MCC: variants seen among roughly 807,000 people sequenced by gnomAD.
MCC encodes colorectal mutant cancer protein.
MCC carries 90 observed loss-of-function variants against 116.2 expected under a neutral mutation model. The observed-to-expected ratio is 0.77, with a 90% CI of 0.65 to 0.92. The LOEUF (loss-of-function observed/expected upper bound fraction) is 0.92, where lower values mean the gene tolerates loss of function less well. Ranked by LOEUF, MCC falls within the 40% of genes least tolerant of loss-of-function variation. MCC has a pLI of 0.00. For synonymous variants in MCC, 578 were observed against 510.5 expected (o/e 1.13, Z -1.78); for missense variants, 1,516 against 1,312.2 (o/e 1.16, Z -2.40).
At chr5:113,167,145 G>T (rs1183484054) in intron 3 of MCC, among the ~76,000 whole-genome samples, 2 of 152,088 alleles carry the variant, frequency 1.3e-5, no homozygotes. Flanking sequence ...CAATAGATGC[G>T]CTGTGGCAAA....
chr5:113,350,188 A>C (rs1380493181), intron 2 of MCC, among the ~76,000 whole-genome samples: 1 of 152,140 alleles, frequency 6.6e-6, no homozygotes, highest in East Asian at 1.9e-4. Flanking sequence ...AATAGAAAAA[A>C]CAATCCTAAA....
At chr5:113,242,845 C>G (rs1487390544) in intron 3 of MCC, among the ~76,000 whole-genome samples, 1 of 152,172 alleles carries the variant, frequency 6.6e-6, no homozygotes, top group African/African-American at 2.4e-5. Flanking sequence ...GAAAGCAAAG[C>G]CGTGACTTTA....
At chr5:113,230,368 C>A (rs1763897737) in intron 3 of MCC, among the ~76,000 whole-genome samples, 1 of 152,164 alleles carries the variant, frequency 6.6e-6, no homozygotes, top group Non-Finnish European at 1.5e-5. Context: ...ATATCTCATA[C>A]ATAAACAACA....
intron 11 of MCC, among the ~76,000 whole-genome samples, chr5:113,076,420 G>C (rs190273813): frequency 8.5e-5 from 13 of 152,254 alleles, no homozygotes; most frequent in Middle Eastern, 3.4e-3. Context: ...GAAAGGTCGG[G>C]TTACCCACAA....
At chr5:113,122,135 A>G (rs1396854889) in intron 6 of MCC, among the ~76,000 whole-genome samples, 2 of 152,244 alleles carry the variant, frequency 1.3e-5, no homozygotes, top group African/African-American at 4.8e-5. Flanking sequence ...AGTTTAAAAT[A>G]CATCATACCA....
At chr5:113,371,933 C>T (rs17379925) in intron 2 of MCC, among the ~76,000 whole-genome samples, 4,921 of 152,296 alleles carry the variant, frequency 0.032, 109 homozygotes, top group Middle Eastern at 0.061. Flanking sequence ...GAGCCTTTAT[C>T]TCAGCCAAGT....
chr5:113,324,318 G>A (rs1421136764), intron 3 of MCC, among the ~76,000 whole-genome samples: 2 of 152,096 alleles, frequency 1.3e-5, no homozygotes, highest in Non-Finnish European at 2.9e-5. Context: ...GTGTGGGCAT[G>A]ATTTTTAAAA....
Position 113,170,714 on chromosome 5 carries a change from C to T in MCC, c.628-19292G>A, listed in dbSNP as rs1270289780. Reference sequence around the variant, plus strand: ...TCTCTAACATACTTTATTATGTTTGCCTCTGTTTACAAAATTTGACAAGAA... The same window carrying T: ...TCTCTAACATACTTTATTATGTTTGTCTCTGTTTACAAAATTTGACAAGAA... On this transcript the variant is annotated intron_variant, in intron 3 of 18. Transcript: ENST00000408903. Among the ~76,000 whole-genome samples, 7 of 152,238 alleles carry T rather than the reference C, an allele frequency of 4.6e-5. No individual in the cohort carries two copies. The East Asian group carries it at 1.2e-3, about 25-fold the overall frequency.
At chr5:113,460,467 C>T (rs1771712971) in intron 1 of MCC, among the ~76,000 whole-genome samples, 1 of 152,196 alleles carries the variant, frequency 6.6e-6, no homozygotes, top group Non-Finnish European at 1.5e-5. Context: ...CCCCCAAACA[C>T]ACACCACACA....
At chr5:113,222,282 G>A (rs1280011249) in intron 3 of MCC, among the ~76,000 whole-genome samples, 1 of 152,058 alleles carries the variant, frequency 6.6e-6, no homozygotes, top group East Asian at 1.9e-4. Context: ...TTGTCATGAT[G>A]TATTATCATT....
chr5:113,333,086 A>G (rs1356439599), intron 3 of MCC, among the ~76,000 whole-genome samples: 1 of 151,680 alleles, frequency 6.6e-6, no homozygotes, highest in Non-Finnish European at 1.5e-5. Context: ...ATATGAAAAA[A>G]GGGGGAAACA....
intron 4 of MCC, among the ~76,000 whole-genome samples, chr5:113,149,911 C>G (rs1759746254): frequency 6.6e-6 from 1 of 152,050 alleles, no homozygotes; most frequent in African/African-American, 2.4e-5. Flanking sequence ...CCCTAAAAAA[C>G]CAAAAGGAAT....
chr5:113,404,168 A>G (rs1232578958), intron 1 of MCC, among the ~76,000 whole-genome samples: 3 of 152,074 alleles, frequency 2.0e-5, no homozygotes, highest in African/African-American at 7.2e-5. Flanking sequence ...CACCCGGCCC[A>G]GTTTGTTTCT....
chr5:113,101,653 C>G, intron 8 of MCC, 86 bp downstream of exon 8: 2 of 1,380,622 alleles, frequency 1.4e-6, no homozygotes, highest in Non-Finnish European at 2.0e-6. Flanking sequence ...CCACAAAATT[C>G]TCACGGTGCC....
At chr5:113,460,953 ATT>A (rs1771726207) in intron 1 of MCC, among the ~76,000 whole-genome samples, 1 of 152,232 alleles carries the variant, frequency 6.6e-6, no homozygotes, top group African/African-American at 2.4e-5. Flanking sequence ...CATTTATTTT[ATT>A]TAAGAAATAG....
At chr5:113,038,978 G>A (rs1751501801) in intron 17 of MCC, among the ~76,000 whole-genome samples, 1 of 152,152 alleles carries the variant, frequency 6.6e-6, no homozygotes, top group African/African-American at 2.4e-5. Context: ...ACAGCCCCTG[G>A]ATGGTCGGTG....
Position 113,027,032 on chromosome 5 carries a change from AAACGAGGCTCTGCTG to A in MCC, c.*255_*269del. 1 of 402,212 alleles carries A rather than the reference AAACGAGGCTCTGCTG, an allele frequency of 2.5e-6. No homozygotes were observed. The allele number at this position is 402,212 out of a possible 1,614,324, so 24.9% of individuals were successfully genotyped here. A position where few individuals can be genotyped will look rare whatever the true frequency, so the allele number is the denominator to read the frequency against. Reference sequence around the variant, plus strand: ...GGGGGAGAGTGAGTGCTGAAAGCAGAAACGAGGCTCTGCTGAGCAGGCACAGAACATGTGTTTACA... The same window carrying A: ...GGGGGAGAGTGAGTGCTGAAAGCAGAAGCAGGCACAGAACATGTGTTTACA... On this transcript the variant is annotated 3_prime_UTR_variant, in exon 19 of 19. Coordinates refer to ENST00000408903, the MANE Select transcript of MCC (RefSeq NM_001085377.2).
intron 3 of MCC, among the ~76,000 whole-genome samples, chr5:113,287,300 G>A (rs916264769): frequency 6.6e-6 from 1 of 152,038 alleles, no homozygotes; most frequent in African/African-American, 2.4e-5. Flanking sequence ...TTGATTCCCT[G>A]GATCAAAAAC....
intron 1 of MCC, among the ~76,000 whole-genome samples, chr5:113,410,482 T>C (rs568632181): frequency 9.2e-5 from 14 of 152,298 alleles, no homozygotes; most frequent in African/African-American, 3.4e-4. Flanking sequence ...GTCAAAAAAA[T>C]TATTCTTGGC....
Sources: gnomAD v4.1 joint callset for allele counts (sites outside exome capture counted in the v4.1 genomes callset) on GRCh38, gnomAD v4.1.1 for gene constraint, MANE v1.5 for transcripts, NCBI Gene and HGNC (gene_info 2026-07-23, HGNC 2026-07-21) for gene names.